CDH20: variants seen among roughly 807,000 people sequenced by gnomAD.
The protein encoded by CDH20 is cadherin 20, also known as cadherin-20.
CDH20 carries 29 observed loss-of-function variants against 74.2 expected under a neutral mutation model. That is an observed-to-expected ratio of 0.39 (90% CI 0.29 to 0.53). The LOEUF (loss-of-function observed/expected upper bound fraction) is 0.53, where lower values mean the gene tolerates loss of function less well. CDH20 is among the 20% of genes least tolerant of loss of function. CDH20 has a pLI of 0.69. For missense variants in CDH20, 988 were observed against 1,048.3 expected (o/e 0.94, Z 0.79); for synonymous variants, 469 against 405.4 (o/e 1.16, Z -1.88).
chr18:61,473,191 T>C lies in CDH20; in HGVS notation c.-152-17211T>C, dbSNP rs1910246338. On this transcript the variant is annotated intron_variant, in intron 1 of 11. Transcript: ENST00000262717. The stretch of plus-strand genomic sequence containing the variant: ...TGAAACAACTTGGGGAAATAGATTT[T>C]TATCTCTCTCTTTAATCCTAATTTG... 3.9e-5 allele frequency among the ~76,000 whole-genome samples: 6 copies of C among 152,346 alleles called. No homozygotes were observed. In the South Asian group the frequency reaches 1.2e-3, roughly 32 times the overall value.
chr18:61,500,621 A>T, intron 4 of CDH20, 119 bp downstream of exon 4: 1 of 1,073,864 alleles, frequency 9.3e-7, no homozygotes, highest in African/African-American at 1.6e-5. Flanking sequence ...ACCAGAGAAG[A>T]CTGCTCTTAG....
chr18:61,519,069 G>C (rs1191232939), intron 6 of CDH20, among the ~76,000 whole-genome samples: 1 of 151,050 alleles, frequency 6.6e-6, no homozygotes, highest in African/African-American at 2.5e-5. Flanking sequence ...CAAGATTAGA[G>C]AAAAAAAGAA....
intron 8 of CDH20, among the ~76,000 whole-genome samples, chr18:61,538,588 G>GTTTTTTTTTTTTTT (rs1265851069): frequency 1.8e-5 from 1 of 55,098 alleles, no homozygotes; most frequent in Admixed American, 2.1e-4. Context: ...CTTTTTGTTT[G>GTTTTTTTTTTTTTT]TTTGTTTGTT....
intron 6 of CDH20, among the ~76,000 whole-genome samples, chr18:61,518,878 A>C (rs555202302): frequency 1.3e-5 from 2 of 151,460 alleles, no homozygotes. Flanking sequence ...CCTTGAAAAA[A>C]CATTAGAGGA....
At chr18:61,497,925 A>G (rs1298840893) in intron 2 of CDH20, among the ~76,000 whole-genome samples, 2 of 152,146 alleles carry the variant, frequency 1.3e-5, no homozygotes, top group East Asian at 1.9e-4. Context: ...ACTAAATTTA[A>G]CTAACTGTTT....
At chr18:61,393,337 A>T (rs1421687162) in intron 1 of CDH20, among the ~76,000 whole-genome samples, 1 of 152,190 alleles carries the variant, frequency 6.6e-6, no homozygotes, top group African/African-American at 2.4e-5. Flanking sequence ...TCCCACAGTT[A>T]TCAAGTGGCT....
At chr18:61,337,093 G>T (rs1405011115) in intron 1 of CDH20, among the ~76,000 whole-genome samples, 1 of 152,204 alleles carries the variant, frequency 6.6e-6, no homozygotes, top group Non-Finnish European at 1.5e-5. Flanking sequence ...CATCAGTAGT[G>T]CAGGGTGGCG....
Position 61,554,450 on chromosome 18 carries a change from A to C in CDH20, c.2161A>C (p.Thr721Pro), listed in dbSNP as rs764903645. 6.2e-7 allele frequency: 1 copy of C among 1,613,268 alleles called. No homozygotes were observed. The highest frequency in any genetic ancestry group is 2.2e-5 in the East Asian group (1 of 44,854). Reference protein sequence around the residue: ...YVPQTCAVNSTVHSYVLAKLY... With the variant: ...YVPQTCAVNSPVHSYVLAKLY... ...GCCTCAGACGTGCGCAGTGAACAGC[A>C]CTGTCCACAGCTACGTGCTGGCCAA... Residue 721 changes from threonine (T) to proline (P), a missense_variant, in exon 12 of 12, where the codon ACT becomes CCT. Physicochemically the swap from Thr to Pro is conservative, Grantham distance 38. This residue lies in a region of CDH20 where 375 missense variants were observed against 293.1 expected (regional missense o/e 1.28). Transcript: ENST00000262717.
At chr18:61,494,956 A>G (rs1362333419) in intron 2 of CDH20, among the ~76,000 whole-genome samples, 1 of 152,184 alleles carries the variant, frequency 6.6e-6, no homozygotes, top group African/African-American at 2.4e-5. Flanking sequence ...GAAATCCTCA[A>G]TCAGCTAAGA....
chr18:61,528,001 T>G lies in CDH20; in HGVS notation c.1052T>G (p.Leu351Ter). 2 of 1,614,074 alleles carry G rather than the reference T, an allele frequency of 1.2e-6. No homozygotes were observed. The highest frequency in any genetic ancestry group is 1.7e-6 in the Non-Finnish European group (2 of 1,179,952). Residue 351 changes from leucine to a stop codon, truncating the protein, a stop_gained, in exon 7 of 12, where the codon TTA becomes TGA. Transcript: ENST00000262717. LOFTEE classifies it high-confidence loss of function. ...TTTGAAAGCAAGAAAAGCTACACCT[T>G]AAAGGTGGAGGGAGCCAATCCTCAC... The part of the protein sequence containing the change: ...LSFESKKSYT[L>*]KVEGANPHLE...
intron 7 of CDH20, among the ~76,000 whole-genome samples, chr18:61,534,718 A>G (rs1912761806): frequency 1.3e-5 from 2 of 152,214 alleles, no homozygotes; most frequent in South Asian, 4.1e-4. Context: ...AGAGAGTACA[A>G]TAGTGATTGC....
intron 1 of CDH20, among the ~76,000 whole-genome samples, chr18:61,341,434 CCT>C (rs1465029822): frequency 1.5e-3 from 225 of 147,668 alleles, no homozygotes; most frequent in African/African-American, 5.7e-3. Context: ...CCCCCCCCCG[CCT>C]AATGCCGTTC....
At chr18:61,488,157 T>C (rs1327313409) in intron 1 of CDH20, among the ~76,000 whole-genome samples, 1 of 152,134 alleles carries the variant, frequency 6.6e-6, no homozygotes, top group African/African-American at 2.4e-5. Flanking sequence ...CAAAATAATT[T>C]TCTTTACTAT....
chr18:61,366,807 TA>T, intron 1 of CDH20, among the ~76,000 whole-genome samples: 1 of 152,210 alleles, frequency 6.6e-6, no homozygotes, highest in East Asian at 1.9e-4. Flanking sequence ...AGAGACGTTG[TA>T]AAAAAATCTC....
chr18:61,376,996 C>T (rs922322549), intron 1 of CDH20, among the ~76,000 whole-genome samples: 2 of 152,172 alleles, frequency 1.3e-5, no homozygotes, highest in African/African-American at 4.8e-5. Flanking sequence ...CTGATACGAC[C>T]AGAAAAGTAG....
At chr18:61,336,819 G>GA (rs1022255089) in intron 1 of CDH20, among the ~76,000 whole-genome samples, 2 of 150,736 alleles carry the variant, frequency 1.3e-5, no homozygotes, top group Non-Finnish European at 3.0e-5. Context: ...AGAATATATG[G>GA]GGGGGGGTGA....
At chr18:61,510,506 A>T (rs1233128833) in intron 6 of CDH20, among the ~76,000 whole-genome samples, 2 of 152,222 alleles carry the variant, frequency 1.3e-5, no homozygotes, top group Non-Finnish European at 2.9e-5. Context: ...ATGGGTGTTT[A>T]TAACTTTTTT....
At chr18:61,434,072 C>G (rs1352176788) in intron 1 of CDH20, among the ~76,000 whole-genome samples, 3 of 151,942 alleles carry the variant, frequency 2.0e-5, no homozygotes, top group Admixed American at 2.0e-4. Context: ...AGTAACAGCC[C>G]TTTATACTGT....
chr18:61,489,188 A>G (rs1356062678), intron 1 of CDH20, among the ~76,000 whole-genome samples: 1 of 152,242 alleles, frequency 6.6e-6, no homozygotes, highest in Non-Finnish European at 1.5e-5. Flanking sequence ...AAATAATTAT[A>G]AAGTAGTTTA....
Sources: allele counts gnomAD v4.1 joint callset (sites outside exome capture counted in the v4.1 genomes callset), GRCh38; gene constraint gnomAD v4.1.1; regional missense constraint gnomAD v4.1.1; transcripts MANE v1.5; gene names NCBI Gene and HGNC (gene_info 2026-07-23, HGNC 2026-07-21).